CLSTN2: variants seen among roughly 807,000 people sequenced by gnomAD.
CLSTN2 encodes the protein calsyntenin-2.
CLSTN2 carries 48 observed loss-of-function variants against 101.2 expected under a neutral mutation model. The ratio of observed to expected loss-of-function variants is 0.47; its 90% confidence interval spans 0.38 to 0.60. The LOEUF is 0.60. Among genes scored for constraint, CLSTN2 ranks in the 20% least tolerant of loss-of-function variants. CLSTN2 has a pLI of 0.00. For synonymous variants in CLSTN2, 481 were observed against 463.6 expected (o/e 1.04, Z -0.48); for missense variants, 1,160 against 1,238.2 (o/e 0.94, Z 0.95).
intron 5 of CLSTN2, among the ~76,000 whole-genome samples, chr3:140,431,009 A>G (rs945424593): frequency 6.6e-6 from 1 of 152,232 alleles, no homozygotes; most frequent in Non-Finnish European, 1.5e-5. Flanking sequence ...AAAAGGGTAT[A>G]TCAGAAAACA....
chr3:140,517,977 C>A (rs1934952275), intron 8 of CLSTN2, among the ~76,000 whole-genome samples: 1 of 152,078 alleles, frequency 6.6e-6, no homozygotes, highest in Non-Finnish European at 1.5e-5. Flanking sequence ...AGCGCAGACT[C>A]TCCGTGGATG....
At chr3:140,485,951 G>T (rs979764456) in intron 8 of CLSTN2, among the ~76,000 whole-genome samples, 2 of 149,650 alleles carry the variant, frequency 1.3e-5, no homozygotes, top group Non-Finnish European at 3.0e-5. Flanking sequence ...CACTTGGTGC[G>T]CTGCACCCAC....
At chr3:140,077,375 G>T (rs560038845) in intron 1 of CLSTN2, among the ~76,000 whole-genome samples, 4 of 152,254 alleles carry the variant, frequency 2.6e-5, no homozygotes, top group Admixed American at 2.0e-4. Context: ...AGGCTGATTG[G>T]CTTATCACAG....
intron 1 of CLSTN2, among the ~76,000 whole-genome samples, chr3:140,027,402 C>T (rs1314794615): frequency 6.6e-6 from 1 of 152,006 alleles, no homozygotes; most frequent in Non-Finnish European, 1.5e-5. Context: ...GGAGGCAGCC[C>T]CAAACCAATG....
chr3:140,289,900 A>G (rs2086932767), intron 2 of CLSTN2, among the ~76,000 whole-genome samples: 1 of 151,670 alleles, frequency 6.6e-6, no homozygotes, highest in African/African-American at 2.4e-5. Context: ...AATGATGACA[A>G]ATTTTCATAT....
chr3:139,939,233 A>T (rs1273789366), intron 1 of CLSTN2, among the ~76,000 whole-genome samples: 1 of 152,188 alleles, frequency 6.6e-6, no homozygotes, highest in African/African-American at 2.4e-5. Flanking sequence ...CCTCTTTAGT[A>T]TGTCACAGGC....
At chr3:139,938,565 G>C (rs1935069893) in intron 1 of CLSTN2, among the ~76,000 whole-genome samples, 1 of 152,146 alleles carries the variant, frequency 6.6e-6, no homozygotes, top group Non-Finnish European at 1.5e-5. Context: ...AATACTTCTT[G>C]GATTCCATGA....
chr3:140,254,571 A>G (rs1187346080), intron 2 of CLSTN2, among the ~76,000 whole-genome samples: 1 of 152,188 alleles, frequency 6.6e-6, no homozygotes, highest in Non-Finnish European at 1.5e-5. Context: ...TCTGTTAATG[A>G]GGAAGGACAG....
At chr3:140,489,253 A>C (rs1395585465) in intron 8 of CLSTN2, among the ~76,000 whole-genome samples, 1 of 152,182 alleles carries the variant, frequency 6.6e-6, no homozygotes, top group Non-Finnish European at 1.5e-5. Context: ...GTAAGGTTTC[A>C]ATTATTGGCC....
chr3:140,053,515 G>A (rs578084329), intron 1 of CLSTN2, among the ~76,000 whole-genome samples: 7 of 152,312 alleles, frequency 4.6e-5, no homozygotes, highest in African/African-American at 7.2e-5. Flanking sequence ...CAGATGCAGC[G>A]TGGTGGTGAG....
At chr3:140,519,655 T>C (rs1295047510) in intron 8 of CLSTN2, among the ~76,000 whole-genome samples, 2 of 152,168 alleles carry the variant, frequency 1.3e-5, no homozygotes, top group African/African-American at 4.8e-5. Context: ...CTGTTTTCCA[T>C]TTTCTTGGTA....
intron 2 of CLSTN2, among the ~76,000 whole-genome samples, chr3:140,322,038 C>T (rs1463737651): frequency 1.3e-5 from 2 of 152,196 alleles, no homozygotes; most frequent in Admixed American, 1.3e-4. Flanking sequence ...CTTCAGACCT[C>T]AGGGCCCCAG....
At chr3:140,324,655 C>A (rs1198875478) in intron 2 of CLSTN2, among the ~76,000 whole-genome samples, 1 of 152,162 alleles carries the variant, frequency 6.6e-6, no homozygotes, top group African/African-American at 2.4e-5. Context: ...TTTTTTAAAG[C>A]AATGGTGCTT....
At chr3:139,962,494 T>C (rs941688554) in intron 1 of CLSTN2, among the ~76,000 whole-genome samples, 5 of 152,194 alleles carry the variant, frequency 3.3e-5, no homozygotes, top group African/African-American at 9.6e-5. Context: ...TCTGTCACTA[T>C]AGATAAGTTT....
chr3:140,467,520 G>C (rs780921063), intron 8 of CLSTN2, among the ~76,000 whole-genome samples: 1 of 152,302 alleles, frequency 6.6e-6, no homozygotes, highest in East Asian at 1.9e-4. Flanking sequence ...TTAAGGAATA[G>C]ATGCTGCTTA....
At chr3:139,958,349 G>A (rs1275804993) in intron 1 of CLSTN2, among the ~76,000 whole-genome samples, 1 of 152,262 alleles carries the variant, frequency 6.6e-6, no homozygotes, top group African/African-American at 2.4e-5. Context: ...CTTGTCAGGA[G>A]GTGTGAGGTG....
intron 1 of CLSTN2, among the ~76,000 whole-genome samples, chr3:140,169,576 A>G (rs1576453458): frequency 6.6e-6 from 1 of 152,216 alleles, no homozygotes; most frequent in African/African-American, 2.4e-5. Context: ...TTCTTTCACC[A>G]TTAAGTATGA....
In CLSTN2 at chr3:140,459,444, AC is replaced by A. The variant is rs1240289356; in HGVS notation, c.974-75del. 7.8e-6 allele frequency: 12 copies of A among 1,542,120 alleles called. No individual in the cohort carries two copies. The African/African-American group carries it at 1.4e-4, about 17-fold the overall frequency. On this transcript the variant is annotated intron_variant, in intron 6 of 16. Coordinates refer to ENST00000458420, the MANE Select transcript of CLSTN2 (RefSeq NM_022131.3). Reference sequence around the variant, plus strand: ...TCTGAGTAAGTACACTGAGTAGTTCACCTTGACCCAGGAGCAGAAAACAGAT... The same window carrying A: ...TCTGAGTAAGTACACTGAGTAGTTCACTTGACCCAGGAGCAGAAAACAGAT...
At chr3:140,282,979 A>G (rs1335918794) in intron 2 of CLSTN2, among the ~76,000 whole-genome samples, 1 of 152,102 alleles carries the variant, frequency 6.6e-6, no homozygotes, top group Non-Finnish European at 1.5e-5. Flanking sequence ...TGGCTTTCTC[A>G]ACTAAAATTG....
Sources: allele counts gnomAD v4.1 joint callset (sites outside exome capture counted in the v4.1 genomes callset), GRCh38; gene constraint gnomAD v4.1.1; transcripts MANE v1.5; gene names NCBI Gene and HGNC (gene_info 2026-07-23, HGNC 2026-07-21).